Variants in NCAPG observed in about 807,000 individuals in gnomAD.
NCAPG encodes the protein non-SMC condensin I complex subunit G.
In NCAPG, 69 loss-of-function variants were observed where a neutral mutation model predicts 113.1. The ratio of observed to expected loss-of-function variants is 0.61; its 90% CI spans 0.50 to 0.75. The LOEUF (loss-of-function observed/expected upper bound fraction) is 0.75, where lower values mean the gene tolerates loss of function less well. Among genes scored for constraint, NCAPG ranks in the 30% least tolerant of loss-of-function variants. The pLI, the probability that NCAPG is intolerant of heterozygous loss-of-function variation, is 0.00. For synonymous variants in NCAPG, 370 were observed against 415.8 expected (o/e 0.89, Z 1.34); for missense variants, 1,058 against 1,177.0 (o/e 0.90, Z 1.48).
chr4:17,842,312 C>T lies in NCAPG; in HGVS notation c.2857C>T (p.Gln953Ter). Reference protein sequence around the residue: ...KSTQLKTNRGQRKVTVSARTN... With the variant: ...KSTQLKTNRG ...TAATGAATTATACTATCTTCAAGGA[C>T]AGAGAAAAGTGACAGTTTCAGCTAG... The change falls in exon 20 of 21, where the codon CAG becomes TAG. Residue 953 changes from glutamine (Q) to a stop codon, truncating the protein, a stop_gained and splice_region_variant. Coordinates refer to ENST00000251496, the MANE Select transcript of NCAPG (RefSeq NM_022346.5). LOFTEE classifies it high-confidence loss of function. The T allele has an allele frequency of 6.2e-7, 1 of 1,611,468 alleles. No homozygotes were observed. Among genetic ancestry groups the T allele is most frequent in the East Asian group, 2.2e-5 (1 of 44,788 alleles).
chr4:17,840,757 C>G (rs546057793), intron 19 of NCAPG, 64 bp downstream of exon 19: 282 of 1,088,598 alleles, frequency 2.6e-4, no homozygotes, highest in Non-Finnish European at 3.1e-4. Context: ...ATGAAAAATA[C>G]TTGTTTTGCA....
At chr4:17,821,166 G>A (rs1721441890) in intron 7 of NCAPG, among the ~76,000 whole-genome samples, 2 of 151,702 alleles carry the variant, frequency 1.3e-5, no homozygotes, top group African/African-American at 4.8e-5. Context: ...GCTAAAGCTG[G>A]GCTGGAGAAG....
intron 11 of NCAPG, among the ~76,000 whole-genome samples, chr4:17,825,834 T>C (rs1441670848): frequency 2.6e-5 from 4 of 152,096 alleles, no homozygotes; most frequent in Admixed American, 1.3e-4. Context: ...GAAGCTAGCT[T>C]TCCAGTGGTT....
At chr4:17,828,666 A>C (rs1721749112) in intron 12 of NCAPG, among the ~76,000 whole-genome samples, 1 of 152,128 alleles carries the variant, frequency 6.6e-6, no homozygotes, top group African/African-American at 2.4e-5. Flanking sequence ...TTGAATAGTA[A>C]GAGAGGAGAT....
intron 5 of NCAPG, among the ~76,000 whole-genome samples, chr4:17,815,859 C>A (rs767930316): frequency 3.9e-5 from 6 of 152,074 alleles, no homozygotes; most frequent in African/African-American, 1.4e-4. Context: ...GAGCTTATTT[C>A]TTTCACCCTT....
At position 17,818,108 on chromosome 4, in the gene NCAPG, G is replaced by T; in HGVS notation, c.1118+20G>T. The T allele has an allele frequency of 3.1e-6, 5 of 1,588,580 alleles. No individual in the cohort carries two copies. Among genetic ancestry groups the T allele is most frequent in the Non-Finnish European group, 3.4e-6 (4 of 1,169,232 alleles). On this transcript the variant is annotated intron_variant, in intron 7 of 20. Coordinates refer to ENST00000251496, the MANE Select transcript of NCAPG (RefSeq NM_022346.5). ...ATTGAGGTAAATTTTTTTTCTTTTAGTTTGGAGAGTGATTGTGTTGCTGCA... is the reference window on the plus strand; with the variant it reads ...ATTGAGGTAAATTTTTTTTCTTTTATTTTGGAGAGTGATTGTGTTGCTGCA...
At chr4:17,833,337 T>G (rs942218581) in intron 13 of NCAPG, among the ~76,000 whole-genome samples, 8 of 151,950 alleles carry the variant, frequency 5.3e-5, no homozygotes, top group African/African-American at 1.9e-4. Flanking sequence ...TATGTGCCTG[T>G]AATCCCAGCT....
At position 17,828,556 on chromosome 4, in the gene NCAPG, AATAAG is replaced by A. The variant is rs1268732235; in HGVS notation, c.1764+171_1764+175del. ...CAGCTACTTCATATTGTGAGGATTA[AATAAG>A]ATGTCTGTAAAGGACCTGATATGTA... On this transcript the variant is annotated intron_variant, in intron 12 of 20. Transcript: ENST00000251496. Among the ~76,000 whole-genome samples, 3 of 152,132 alleles carry A rather than the reference AATAAG, an allele frequency of 2.0e-5. No homozygotes were observed. In the East Asian group the frequency reaches 5.8e-4, roughly 29 times the overall value.
At chr4:17,818,894 T>A (rs10939761) in intron 7 of NCAPG, among the ~76,000 whole-genome samples, 17,621 of 152,228 alleles carry the variant, frequency 0.12, 1,137 homozygotes, top group South Asian at 0.25. Flanking sequence ...TACAGAGGTA[T>A]AAGGAATAAA....
In NCAPG at chr4:17,815,003, A is replaced by G. The variant is rs1021763189; in HGVS notation, c.690+5A>G. On this transcript the variant is annotated splice_donor_5th_base_variant and intron_variant, in intron 4 of 20. Transcript: ENST00000251496. ...GTCAGAAAGCTGGCTTATCAGGTAAATAAGTTCAATGTCTTGTGTTGGCAT... is the reference window on the plus strand; with the variant it reads ...GTCAGAAAGCTGGCTTATCAGGTAAGTAAGTTCAATGTCTTGTGTTGGCAT... The G allele has an allele frequency of 1.9e-6, 3 of 1,614,038 alleles. No individual in the cohort carries two copies. The highest frequency in any genetic ancestry group is 1.3e-5 in the African/African-American group (1 of 74,932).
intron 7 of NCAPG, among the ~76,000 whole-genome samples, chr4:17,818,552 T>C (rs1329296551): frequency 6.6e-6 from 1 of 152,204 alleles, no homozygotes; most frequent in Admixed American, 6.5e-5. Context: ...AGTTGAACTT[T>C]AATATTCATG....
At position 17,842,373 on chromosome 4, in the gene NCAPG, C is replaced by T; in HGVS notation, c.2918C>T (p.Ser973Phe). The stretch of plus-strand genomic sequence containing the variant: ...AGGTGTCAGACTGCTGAAGCCGACT[C>T]TGAAAGGTATGTCATGCATGTCTAG... ...NRRCQTAEAD[S>F]ESDHEVPEPE... is the part of the protein sequence containing the mutation. The change falls in exon 20 of 21, where the codon TCT becomes TTT. Residue 973 changes from serine (S) to phenylalanine (F), a missense_variant. Transcript: ENST00000251496. 6.2e-7 allele frequency: 1 copy of T among 1,611,710 alleles called. No homozygotes were observed. Among genetic ancestry groups the T allele is most frequent in the Non-Finnish European group, 8.5e-7 (1 of 1,178,172 alleles).
chr4:17,842,531 CCAT>C (rs1311891713), intron 20 of NCAPG, 152 bp downstream of exon 20: 1 of 625,712 alleles, frequency 1.6e-6, no homozygotes, highest in African/African-American at 1.9e-5. Flanking sequence ...GTCTAAAATT[CCAT>C]CATCAAGAGC....
At chr4:17,821,200 A>T (rs759136560) in intron 7 of NCAPG, among the ~76,000 whole-genome samples, 3 of 152,054 alleles carry the variant, frequency 2.0e-5, no homozygotes, top group Admixed American at 2.0e-4. Context: ...AAAGATGAGT[A>T]TAAATGAAGG....
At chr4:17,842,116 A>G in intron 19 of NCAPG, 194 bp from the exon 20 acceptor site, 1 of 520,998 alleles carries the variant, frequency 1.9e-6, no homozygotes, top group Non-Finnish European at 3.5e-6. Flanking sequence ...AAAATAAATT[A>G]AGTTTTAATC....
Position 17,824,952 on chromosome 4 carries a change from T to C in NCAPG, c.1384-16T>C. 1 of 1,575,630 alleles carries C rather than the reference T, an allele frequency of 6.3e-7. No homozygotes were observed. The highest frequency in any genetic ancestry group is 1.1e-5 in the South Asian group (1 of 89,108). On this transcript the variant is annotated splice_polypyrimidine_tract_variant and intron_variant, in intron 9 of 20. Transcript: ENST00000251496. ...TATATCAAACATATATTAAAGCATG[T>C]ACTCTGAACTTACAGGTTACAGAAA...
Position 17,817,924 on chromosome 4 carries a change from T to G in NCAPG, c.969-15T>G. The stretch of plus-strand genomic sequence containing the variant: ...AAGATCATGCTTTCTCTCACACTCT[T>G]TCTTTTAAATGAAGGAAATTGATTC... On this transcript the variant is annotated splice_polypyrimidine_tract_variant and intron_variant, in intron 6 of 20. Coordinates refer to ENST00000251496, the MANE Select transcript of NCAPG (RefSeq NM_022346.5). 1 of 1,584,940 alleles carries G rather than the reference T, an allele frequency of 6.3e-7. No individual in the cohort carries two copies. The highest frequency in any genetic ancestry group is 8.5e-7 in the Non-Finnish European group (1 of 1,169,614).
intron 11 of NCAPG, among the ~76,000 whole-genome samples, 194 bp downstream of exon 11, chr4:17,825,755 A>T (rs751779521): frequency 6.6e-6 from 1 of 152,080 alleles, no homozygotes; most frequent in African/African-American, 2.4e-5. Context: ...AACTTTAATT[A>T]TTGGAGGTAG....
chr4:17,843,066 A>G (rs1712840102), intron 20 of NCAPG: 3 of 312,726 alleles, frequency 9.6e-6, no homozygotes, highest in Admixed American at 4.5e-5. Context: ...CCTGTATAAC[A>G]CCAGGTTCTG....
Sources: gnomAD v4.1 joint callset for allele counts (sites outside exome capture counted in the v4.1 genomes callset) on GRCh38, gnomAD v4.1.1 for gene constraint, MANE v1.5 for transcripts, NCBI Gene and HGNC (gene_info 2026-07-23, HGNC 2026-07-21) for gene names.